The following NSF variants were observed in gnomAD, a reference collection of about 807,000 sequenced individuals.
The protein encoded by NSF is N-ethylmaleimide sensitive factor, vesicle fusing ATPase, also known as vesicle-fusing ATPase.
A neutral mutation model predicts 50.3 loss-of-function variants in NSF; 14 were observed. The ratio of observed to expected loss-of-function variants is 0.28; its 90% CI spans 0.18 to 0.44. NSF has a LOEUF of 0.44. Ranked by LOEUF, NSF falls within the 20% of genes least tolerant of loss-of-function variation. The pLI is 1.00. For synonymous variants in NSF, 109 were observed against 175.7 expected, an observed-to-expected ratio of 0.62 and a Z score of 3.00; for missense variants, 218 against 504.3, an observed-to-expected ratio of 0.43 and a Z score of 5.44.
At chr17:46,656,011 C>A (rs2058260207) in intron 8 of NSF, among the ~76,000 whole-genome samples, 1 of 61,254 alleles carries the variant, frequency 1.6e-5, no homozygotes, top group Non-Finnish European at 2.8e-5. Flanking sequence ...ACAAAACAGA[C>A]TGAAAGACAT....
At chr17:46,714,907 C>T (rs1037489820) in intron 15 of NSF, among the ~76,000 whole-genome samples, 2 of 152,156 alleles carry the variant, frequency 1.3e-5, no homozygotes, top group Non-Finnish European at 1.5e-5. Flanking sequence ...AAAGACAGCT[C>T]AGGGTTTTCT....
At chr17:46,610,011 T>TTCTG in intron 1 of NSF, among the ~76,000 whole-genome samples, 1 of 80,208 alleles carries the variant, frequency 1.2e-5, no homozygotes, top group Non-Finnish European at 2.9e-5. Flanking sequence ...CTTTCTCTCT[T>TTCTG]TCTTTCTTTC....
chr17:46,711,956 T>G (rs2058723865), intron 14 of NSF, among the ~76,000 whole-genome samples: 1 of 152,222 alleles, frequency 6.6e-6, no homozygotes, highest in African/African-American at 2.4e-5. Context: ...TAGAAGCCAG[T>G]TCATATAAAA....
chr17:46,753,645 A>AT (rs1286059628), intron 19 of NSF, among the ~76,000 whole-genome samples: 1 of 151,568 alleles, frequency 6.6e-6, no homozygotes, highest in African/African-American at 2.4e-5. Context: ...AACTATGTGG[A>AT]TTTTTTCCCC....
intron 12 of NSF, 48 bp downstream of exon 12, chr17:46,694,710 TTCTC>T: frequency 6.4e-7 from 1 of 1,556,926 alleles, no homozygotes; most frequent in Admixed American, 1.8e-5. Flanking sequence ...CCAGTATTCT[TTCTC>T]TTTCCTTTCA....
chr17:46,749,739 T>G, intron 17 of NSF, 34 bp from the exon 18 acceptor site: 1 of 1,592,654 alleles, frequency 6.3e-7, no homozygotes, highest in Non-Finnish European at 8.6e-7. Flanking sequence ...AGTCTTATTA[T>G]GTACATTTTA....
chr17:46,726,003 A>G (rs1408758918), intron 15 of NSF, among the ~76,000 whole-genome samples: 1 of 152,194 alleles, frequency 6.6e-6, no homozygotes, highest in African/African-American at 2.4e-5. Context: ...ATCTTAAGAC[A>G]GTGCATTCAT....
chr17:46,716,967 T>C (rs1368125765), intron 15 of NSF, among the ~76,000 whole-genome samples: 1 of 152,244 alleles, frequency 6.6e-6, no homozygotes, highest in Non-Finnish European at 1.5e-5. Context: ...ACAATCCCTT[T>C]TTGTTGGACA....
chr17:46,676,443 G>T (rs1365984779), intron 9 of NSF, among the ~76,000 whole-genome samples: 1 of 137,660 alleles, frequency 7.3e-6, no homozygotes, highest in African/African-American at 2.9e-5. Flanking sequence ...TGTTGGTCAG[G>T]CTGGTCTCGA....
chr17:46,737,570 TGC>T (rs1491013655), intron 17 of NSF, among the ~76,000 whole-genome samples: 23 of 93,914 alleles, frequency 2.4e-4, no homozygotes, highest in African/African-American at 5.2e-4. Context: ...AGGGTGTGTG[TGC>T]GTGTGTGTGT....
At chr17:46,720,732 T>C (rs2058821212) in intron 15 of NSF, among the ~76,000 whole-genome samples, 1 of 152,204 alleles carries the variant, frequency 6.6e-6, no homozygotes, top group African/African-American at 2.4e-5. Context: ...AGTCATCAGA[T>C]TTCTACTAAC....
intron 17 of NSF, among the ~76,000 whole-genome samples, chr17:46,735,945 C>G (rs1320895128): frequency 6.6e-6 from 1 of 151,748 alleles, no homozygotes; most frequent in Non-Finnish European, 1.5e-5. Context: ...GACTCTGTCT[C>G]AAAAAAAGAA....
chr17:46,631,082 A>ACACG (rs2058132895), intron 4 of NSF, among the ~76,000 whole-genome samples: 1 of 142,080 alleles, frequency 7.0e-6, no homozygotes, highest in Admixed American at 7.0e-5. Context: ...ACACACACAC[A>ACACG]CACACACACA....
chr17:46,727,196 T>G (rs2058898100), intron 16 of NSF, among the ~76,000 whole-genome samples: 1 of 152,230 alleles, frequency 6.6e-6, no homozygotes, highest in South Asian at 2.1e-4. Context: ...TTTTAAAATA[T>G]GTATTAAATA....
intron 16 of NSF, among the ~76,000 whole-genome samples, chr17:46,727,760 G>A (rs951505687): frequency 4.6e-5 from 7 of 152,156 alleles, no homozygotes; most frequent in African/African-American, 1.2e-4. Context: ...CAATTGAGGT[G>A]TGTGGTCATA....
At chr17:46,716,276 A>G (rs1454501180) in intron 15 of NSF, among the ~76,000 whole-genome samples, 1 of 123,808 alleles carries the variant, frequency 8.1e-6, no homozygotes, top group African/African-American at 2.9e-5. Flanking sequence ...TTTTTTTTTG[A>G]GATGGAGTCT....
intron 17 of NSF, among the ~76,000 whole-genome samples, chr17:46,747,133 A>G (rs1341298565): frequency 6.6e-6 from 1 of 152,234 alleles, no homozygotes; most frequent in Non-Finnish European, 1.5e-5. Context: ...TTCCATTCAT[A>G]GTTTAGCTCT....
intron 15 of NSF, among the ~76,000 whole-genome samples, chr17:46,715,670 G>A (rs1322707544): frequency 6.6e-6 from 1 of 152,150 alleles, no homozygotes; most frequent in Non-Finnish European, 1.5e-5. Flanking sequence ...TTGTAAGTGT[G>A]AGATATTATC....
chr17:46,722,323 T>C (rs2058840358), intron 15 of NSF, among the ~76,000 whole-genome samples: 1 of 152,208 alleles, frequency 6.6e-6, no homozygotes, highest in African/African-American at 2.4e-5. Context: ...CCTCCTGGCA[T>C]CTTCTGTGTT....
Sources: allele counts gnomAD v4.1 joint callset (sites outside exome capture counted in the v4.1 genomes callset), GRCh38; gene constraint gnomAD v4.1.1; transcripts MANE v1.5; gene names NCBI Gene and HGNC (gene_info 2026-07-23, HGNC 2026-07-21).